ARFIP1: variants seen among roughly 807,000 people sequenced by gnomAD.
ARFIP1 encodes the protein ARF interacting protein 1.
A neutral mutation model predicts 42.5 loss-of-function variants in ARFIP1; 24 were observed. The ratio of observed to expected loss-of-function variants is 0.57; its 90% confidence interval spans 0.41 to 0.80. The LOEUF is 0.80. ARFIP1 is among the 30% of genes least tolerant of loss of function. The pLI, the probability that ARFIP1 is intolerant of heterozygous loss-of-function variation, is 0.00. For synonymous variants in ARFIP1, 141 were observed against 153.7 expected, an observed-to-expected ratio of 0.92 and a Z score of 0.61; for missense variants, 354 against 434.0, an observed-to-expected ratio of 0.82 and a Z score of 1.64.
chr4:152,841,979 C>T (rs1451436365), intron 2 of ARFIP1, among the ~76,000 whole-genome samples: 2 of 152,150 alleles, frequency 1.3e-5, no homozygotes, highest in African/African-American at 4.8e-5. Context: ...CCCAGCAGCA[C>T]TTGGGTTTTC....
At chr4:152,828,552 T>C (rs1731020003) in intron 1 of ARFIP1, among the ~76,000 whole-genome samples, 1 of 152,252 alleles carries the variant, frequency 6.6e-6, no homozygotes, top group Admixed American at 6.5e-5. Flanking sequence ...GTTCTGATCT[T>C]TTGCCCATTT....
intron 2 of ARFIP1, among the ~76,000 whole-genome samples, chr4:152,861,528 A>G (rs575924569): frequency 2.6e-5 from 4 of 152,230 alleles, no homozygotes; most frequent in Admixed American, 1.3e-4. Flanking sequence ...TAAGGAGTAC[A>G]TTTAGAACAT....
At chr4:152,890,898 T>C (rs913134443) in intron 8 of ARFIP1, among the ~76,000 whole-genome samples, 12 of 152,244 alleles carry the variant, frequency 7.9e-5, no homozygotes, top group African/African-American at 2.9e-4. Flanking sequence ...TCTTAGATGA[T>C]GTCTTCGTCT....
intron 2 of ARFIP1, among the ~76,000 whole-genome samples, chr4:152,857,956 T>A (rs1733573741): frequency 6.6e-6 from 1 of 152,186 alleles, no homozygotes; most frequent in Admixed American, 6.5e-5. Context: ...GAGCAGTGGC[T>A]GTCATGAAGT....
intron 8 of ARFIP1, among the ~76,000 whole-genome samples, chr4:152,897,097 C>T (rs1261646595): frequency 6.6e-6 from 1 of 152,176 alleles, no homozygotes; most frequent in Non-Finnish European, 1.5e-5. Flanking sequence ...GTTTGCATTG[C>T]CTCCTTTCTC....
chr4:152,814,238 G>A (rs560675562), intron 1 of ARFIP1, among the ~76,000 whole-genome samples: 55 of 151,814 alleles, frequency 3.6e-4, no homozygotes, highest in African/African-American at 1.2e-3. Context: ...CCACAGGTGC[G>A]CACCACCATG....
chr4:152,827,043 T>C (rs1000650887), intron 1 of ARFIP1, among the ~76,000 whole-genome samples: 5 of 152,158 alleles, frequency 3.3e-5, no homozygotes, highest in African/African-American at 9.7e-5. Flanking sequence ...AGCAACTTAA[T>C]GGGTTATACT....
At chr4:152,869,148 G>T (rs1428600279) in intron 3 of ARFIP1, among the ~76,000 whole-genome samples, 1 of 152,124 alleles carries the variant, frequency 6.6e-6, no homozygotes, top group Non-Finnish European at 1.5e-5. Flanking sequence ...GTTAGAACTC[G>T]TGACAGTTTC....
At chr4:152,781,956 T>G (rs969779515) in intron 1 of ARFIP1, among the ~76,000 whole-genome samples, 2 of 152,252 alleles carry the variant, frequency 1.3e-5, no homozygotes, top group Non-Finnish European at 2.9e-5. Context: ...TCCATTGTTT[T>G]TATCAAATTC....
chr4:152,808,320 A>T (rs1353746995), intron 1 of ARFIP1, among the ~76,000 whole-genome samples: 4 of 17,856 alleles, frequency 2.2e-4, no homozygotes, highest in East Asian at 1.4e-3. Flanking sequence ...TTTTTTTTGT[A>T]GCAGTAGTTT....
At chr4:152,833,294 A>G (rs1392261064) in intron 2 of ARFIP1, among the ~76,000 whole-genome samples, 3 of 152,146 alleles carry the variant, frequency 2.0e-5, no homozygotes, top group African/African-American at 7.2e-5. Context: ...AAGGTGCTCA[A>G]CATCACTAAT....
At chr4:152,799,589 T>C (rs1269930230) in intron 1 of ARFIP1, among the ~76,000 whole-genome samples, 1 of 152,242 alleles carries the variant, frequency 6.6e-6, no homozygotes. Context: ...TCAGGGTTCC[T>C]TGTGATTTAA....
At chr4:152,883,108 C>T (rs1735977644) in intron 7 of ARFIP1, 2 of 461,176 alleles carry the variant, frequency 4.3e-6, no homozygotes, top group Admixed American at 4.2e-5. Flanking sequence ...CTAATTAGAA[C>T]CCCTATGCTG....
intron 8 of ARFIP1, among the ~76,000 whole-genome samples, chr4:152,906,263 T>C (rs1434429827): frequency 6.6e-6 from 1 of 152,214 alleles, no homozygotes; most frequent in Non-Finnish European, 1.5e-5. Context: ...TATTAATGAC[T>C]CCCAAATTAC....
At chr4:152,834,507 T>C (rs556737420) in intron 2 of ARFIP1, among the ~76,000 whole-genome samples, 56 of 152,084 alleles carry the variant, frequency 3.7e-4, no homozygotes, top group African/African-American at 1.3e-3. Context: ...AAGGGAGAAT[T>C]TGGCCAAAAG....
chr4:152,868,902 T>G (rs891647689), intron 3 of ARFIP1, among the ~76,000 whole-genome samples: 6 of 152,212 alleles, frequency 3.9e-5, no homozygotes. Flanking sequence ...TCAGAACATC[T>G]GAGTCTCTAA....
intron 2 of ARFIP1, among the ~76,000 whole-genome samples, chr4:152,847,235 C>T (rs1386493546): frequency 6.7e-6 from 1 of 148,436 alleles, no homozygotes; most frequent in Non-Finnish European, 1.5e-5. Context: ...CAGGTTCAAG[C>T]TGTTCTCCTG....
chr4:152,811,436 G>A (rs896851381), intron 1 of ARFIP1, among the ~76,000 whole-genome samples: 1 of 152,120 alleles, frequency 6.6e-6, no homozygotes, highest in Non-Finnish European at 1.5e-5. Flanking sequence ...GATCATTTGA[G>A]CTGAGCCTTA....
chr4:152,782,989 G>A (rs1181215636), intron 1 of ARFIP1, among the ~76,000 whole-genome samples: 1 of 152,066 alleles, frequency 6.6e-6, no homozygotes, highest in Admixed American at 6.6e-5. Flanking sequence ...ACCTCACTTG[G>A]GGGAGCAGTC....
Sources: allele counts gnomAD v4.1 joint callset (sites outside exome capture counted in the v4.1 genomes callset), GRCh38; gene constraint gnomAD v4.1.1; transcripts MANE v1.5; gene names NCBI Gene and HGNC (gene_info 2026-07-23, HGNC 2026-07-21).